GALK2: variants seen among roughly 807,000 people sequenced by gnomAD.
GALK2 encodes the protein N-acetylgalactosamine kinase.
GALK2 carries 36 observed loss-of-function variants against 52.4 expected under a neutral mutation model. The ratio of observed to expected loss-of-function variants is 0.69; its 90% CI spans 0.53 to 0.91. The LOEUF (loss-of-function observed/expected upper bound fraction) is 0.91, where lower values mean the gene tolerates loss of function less well. Among genes scored for constraint, GALK2 ranks in the 40% least tolerant of loss-of-function variants. GALK2 has a pLI of 0.00. For synonymous variants in GALK2, 176 were observed against 199.1 expected, an observed-to-expected ratio of 0.88 and a Z score of 0.98; for missense variants, 579 against 559.1, an observed-to-expected ratio of 1.04 and a Z score of -0.36.
intron 1 of GALK2, among the ~76,000 whole-genome samples, chr15:49,178,985 T>C (rs1196140332): frequency 1.3e-5 from 2 of 152,182 alleles, no homozygotes; most frequent in Non-Finnish European, 2.9e-5. Context: ...ATTCTTCTAT[T>C]CAACCTATCT....
intron 5 of GALK2, 106 bp downstream of exon 5, chr15:49,239,473 A>G: frequency 1.9e-6 from 2 of 1,031,462 alleles, no homozygotes; most frequent in South Asian, 3.0e-5. Context: ...GTCTTCTCTA[A>G]AAGGACTGCA....
intron 3 of GALK2, among the ~76,000 whole-genome samples, chr15:49,229,994 A>G (rs183847260): frequency 6.6e-6 from 1 of 152,270 alleles, no homozygotes; most frequent in East Asian, 1.9e-4. Flanking sequence ...TCGTGAAAAT[A>G]CACAGCAGTC....
intron 2 of GALK2, among the ~76,000 whole-genome samples, chr15:49,214,967 A>C (rs913716016): frequency 6.6e-6 from 1 of 152,134 alleles, no homozygotes; most frequent in Non-Finnish European, 1.5e-5. Context: ...TTTCTCTTTC[A>C]TGTTTGAAGG....
At chr15:49,250,639 G>A (rs2091553260) in intron 5 of GALK2, among the ~76,000 whole-genome samples, 1 of 151,908 alleles carries the variant, frequency 6.6e-6, no homozygotes. Flanking sequence ...TGCTACCTAT[G>A]GTATAATGTA....
Position 49,365,652 on chromosome 15 carries a change from TAG to T in GALK2, c.427-1837_427-1836del, listed in dbSNP as rs1378364848. 76 of 1,094,502 alleles carry T rather than the reference TAG, an allele frequency of 6.9e-5. No individual in the cohort carries two copies. In the South Asian group the frequency reaches 7.6e-4, roughly 11 times the overall value. The allele number at this position is 1,094,502 out of a possible 1,614,324, so 67.8% of individuals were successfully genotyped here. On this transcript the variant is annotated intron_variant, in intron 3 of 3. Transcript: ENST00000558399. Reference sequence around the variant, plus strand: ...ATACATCATAGAGGAGGAGAAGGCCTAGAAGTATCACACATGACTTGAAGCTG... The same window carrying T: ...ATACATCATAGAGGAGGAGAAGGCCTAAGTATCACACATGACTTGAAGCTG...
chr15:49,367,560 A>T, exon 4 of GALK2: 1 of 1,604,314 alleles, frequency 6.2e-7, no homozygotes, highest in Non-Finnish European at 8.5e-7. Flanking sequence ...TGACCTCCAA[A>T]ATTGAAGAGA....
intron 1 of GALK2, chr15:49,156,484 T>C: frequency 2.1e-6 from 1 of 483,732 alleles, no homozygotes; most frequent in Non-Finnish European, 4.1e-6. Flanking sequence ...AGGGAGAGAT[T>C]GCTCGTAAAG....
At chr15:49,265,760 A>G (rs2092338424) in intron 5 of GALK2, among the ~76,000 whole-genome samples, 2 of 152,184 alleles carry the variant, frequency 1.3e-5, no homozygotes, top group African/African-American at 4.8e-5. Context: ...ATGGAACAAA[A>G]TGTTTGAAAT....
At chr15:49,200,048 A>G (rs1297935465) in intron 1 of GALK2, among the ~76,000 whole-genome samples, 1 of 152,206 alleles carries the variant, frequency 6.6e-6, no homozygotes, top group Non-Finnish European at 1.5e-5. Flanking sequence ...TGAATATATT[A>G]GGCTTTAATA....
intron 3 of GALK2, among the ~76,000 whole-genome samples, chr15:49,344,548 G>A (rs963221441): frequency 4.6e-5 from 7 of 152,130 alleles, no homozygotes; most frequent in Admixed American, 2.6e-4. Context: ...AGAGCCTAGC[G>A]AGGGAGGACT....
intron 5 of GALK2, among the ~76,000 whole-genome samples, chr15:49,242,284 AACTAACT>A (rs2091135502): frequency 6.6e-6 from 1 of 152,184 alleles, no homozygotes; most frequent in African/African-American, 2.4e-5. Context: ...AGGTCAAGGG[AACTAACT>A]AGGAAGGGTT....
chr15:49,320,639 A>G (rs986597434), intron 9 of GALK2, among the ~76,000 whole-genome samples: 16 of 152,244 alleles, frequency 1.1e-4, no homozygotes, highest in African/African-American at 3.9e-4. Flanking sequence ...CCACACTCCC[A>G]GCCTGAAAAG....
chr15:49,270,422 T>G (rs1260799875), intron 5 of GALK2, among the ~76,000 whole-genome samples: 4 of 152,014 alleles, frequency 2.6e-5, no homozygotes, highest in Non-Finnish European at 5.9e-5. Flanking sequence ...ATTTCTCACA[T>G]GGATTCTTTA....
At chr15:49,270,428 C>G (rs908823487) in intron 5 of GALK2, among the ~76,000 whole-genome samples, 2 of 152,134 alleles carry the variant, frequency 1.3e-5, no homozygotes, top group Non-Finnish European at 2.9e-5. Flanking sequence ...CACATGGATT[C>G]TTTAGAGCAC....
At chr15:49,266,107 G>T (rs187789497) in intron 5 of GALK2, among the ~76,000 whole-genome samples, 1 of 152,236 alleles carries the variant, frequency 6.6e-6, no homozygotes, top group African/African-American at 2.4e-5. Context: ...CTTCTGGATT[G>T]GCTGGCTGTC....
chr15:49,334,673 G>A (rs1157028081), downstream of GALK2, among the ~76,000 whole-genome samples: 2 of 152,146 alleles, frequency 1.3e-5, no homozygotes, highest in East Asian at 1.9e-4. Flanking sequence ...AAGCAGGGGC[G>A]CAGGCTTTTA....
chr15:49,296,528 G>C (rs962542809), intron 8 of GALK2, among the ~76,000 whole-genome samples: 3 of 151,946 alleles, frequency 2.0e-5, no homozygotes, highest in Admixed American at 2.0e-4. Context: ...GTCAACTGTT[G>C]GGCATCTAGT....
intron 1 of GALK2, among the ~76,000 whole-genome samples, chr15:49,175,909 G>T (rs565737315): frequency 6.6e-6 from 1 of 152,144 alleles, no homozygotes; most frequent in South Asian, 2.1e-4. Context: ...TTGCTCAATC[G>T]ATCATGACCC....
chr15:49,255,643 C>G (rs1374130418), intron 5 of GALK2, among the ~76,000 whole-genome samples: 18 of 105,626 alleles, frequency 1.7e-4, no homozygotes, highest in Non-Finnish European at 3.5e-4. Context: ...TTATTTAATA[C>G]ACAGAGATAG....
Sources: allele counts gnomAD v4.1 joint callset (sites outside exome capture counted in the v4.1 genomes callset), GRCh38; gene constraint gnomAD v4.1.1; transcripts MANE v1.5; gene names NCBI Gene and HGNC (gene_info 2026-07-23, HGNC 2026-07-21).